PDX1: variants seen among roughly 807,000 people sequenced by gnomAD.
The protein encoded by PDX1 is pancreas/duodenum homeobox protein 1.
PDX1 carries 7 observed loss-of-function variants against 11.1 expected under a neutral mutation model. The observed-to-expected ratio is 0.63, with a 90% CI of 0.36 to 1.19. The LOEUF is 1.19. PDX1 is among the 50% of genes most tolerant of loss of function. PDX1 has a pLI of 0.02. For synonymous variants in PDX1, 232 were observed against 196.2 expected, an observed-to-expected ratio of 1.18 and a Z score of -1.53; for missense variants, 449 against 412.1, an observed-to-expected ratio of 1.09 and a Z score of -0.78.
At position 27,925,446 on chromosome 13, in the gene PDX1, CCCCTCCTCT is replaced by C. The variant is rs139276646; in HGVS notation, c.*754_*762del. The C allele has an allele frequency of 0.19, 25,893 of 139,358 alleles. 3,476 individuals carry two copies. The highest frequency in any genetic ancestry group is 0.39 in the East Asian group (1,580 of 4,002). The allele number at this position is 139,358 out of a possible 1,614,324, so 8.6% of individuals were successfully genotyped here. On this transcript the variant is annotated 3_prime_UTR_variant, in exon 2 of 2. Coordinates refer to ENST00000381033, the MANE Select transcript of PDX1 (RefSeq NM_000209.4). ...CCTCCTCTCCCTCCTCCTCTTCTTC[CCCCTCCTCT>C]CCCTCCTCCTCTTCTTCTCCCTCCT...
chr13:27,920,061 G>C lies in PDX1; in HGVS notation c.-78G>C. On this transcript the variant is annotated 5_prime_UTR_variant, in exon 1 of 2. Transcript: ENST00000381033. Reference sequence around the variant, plus strand: ...GCGCCGGGAGTGGGAACGCCACACAGTGCCAAATCCCCGGCTCCAGCTCCC... The same window carrying C: ...GCGCCGGGAGTGGGAACGCCACACACTGCCAAATCCCCGGCTCCAGCTCCC... 1 of 1,524,188 alleles carries C rather than the reference G, an allele frequency of 6.6e-7. No individual in the cohort carries two copies. The highest frequency in any genetic ancestry group is 8.9e-7 in the Non-Finnish European group (1 of 1,125,114). 94.4% of individuals were successfully genotyped at this position (1,524,188 alleles called of 1,614,324 possible).
intron 1 of PDX1, among the ~76,000 whole-genome samples, chr13:27,921,776 G>A (rs1225271991): frequency 6.6e-6 from 1 of 152,182 alleles, no homozygotes; most frequent in African/African-American, 2.4e-5. Flanking sequence ...TAAGGCGAAG[G>A]TCCTGAGGCA....
intron 1 of PDX1, among the ~76,000 whole-genome samples, chr13:27,922,953 T>A (rs1957798569): frequency 6.6e-6 from 1 of 152,194 alleles, no homozygotes; most frequent in South Asian, 2.1e-4. Flanking sequence ...GGTTTGAGCC[T>A]CTGCTTCAGC....
At position 27,926,091 on chromosome 13, in the gene PDX1, A is replaced by T. The variant is rs1329958702; in HGVS notation, c.*1390A>T. The stretch of plus-strand genomic sequence containing the variant: ...AACCAGTTATCTTATTTAACATTTT[A>T]AAAATTACCTAACAGTTATTTACAA... On this transcript the variant is annotated 3_prime_UTR_variant, in exon 2 of 2. Coordinates refer to ENST00000381033, the MANE Select transcript of PDX1 (RefSeq NM_000209.4). 1.3e-5 allele frequency: 2 copies of T among 152,224 alleles called. No individual in the cohort carries two copies. The highest frequency in any genetic ancestry group is 2.9e-5 in the Non-Finnish European group (2 of 68,050). 9.4% of individuals were successfully genotyped at this position (152,224 alleles called of 1,614,324 possible).
chr13:27,920,164 C>G lies in PDX1; in HGVS notation c.26C>G (p.Ala9Gly). 6.5e-7 allele frequency: 1 copy of G among 1,549,940 alleles called. No homozygotes were observed. The highest frequency in any genetic ancestry group is 8.7e-7 in the Non-Finnish European group (1 of 1,146,698). The change falls in exon 1 of 2, where the codon GCG becomes GGG. Residue 9 changes from alanine to glycine, a missense_variant. By Grantham distance (60) the Ala-to-Gly change is moderately conservative. Transcript: ENST00000381033. The part of the protein sequence containing the change: MNGEEQYY[A>G]ATQLYKDPCA... ...ATGAACGGCGAGGAGCAGTACTACG[C>G]GGCCACGCAGCTTTACAAGGACCCA... is the stretch of plus-strand genomic sequence containing the variant.
Position 27,925,079 on chromosome 13 carries a change from T to A in PDX1, c.*378T>A. ...GACAATGGAAACTGTACCATACACA[T>A]TGGAAGGCTCCCTAACACACACAGC... On this transcript the variant is annotated 3_prime_UTR_variant, in exon 2 of 2. Coordinates refer to ENST00000381033, the MANE Select transcript of PDX1 (RefSeq NM_000209.4). 1 of 253,012 alleles carries A rather than the reference T, an allele frequency of 4.0e-6. No individual in the cohort carries two copies. Among genetic ancestry groups the A allele is most frequent in the Non-Finnish European group, 7.5e-6 (1 of 133,658 alleles). The allele number at this position is 253,012 out of a possible 1,614,324, so 15.7% of individuals were successfully genotyped here. A position where few individuals can be genotyped will look rare whatever the true frequency, so the allele number is the denominator to read the frequency against.
In PDX1 at chr13:27,920,482, T is replaced by TC; in HGVS notation, c.346dup (p.Gln116ProfsTer109). 1.2e-6 allele frequency: 2 copies of TC among 1,611,204 alleles called. No individual in the cohort carries two copies. The highest frequency in any genetic ancestry group is 1.7e-6 in the Non-Finnish European group (2 of 1,179,304). ...GGCGTCCTGGAGGAGCCCAACCGCGTCCAGCTGCCTTTCCCATGGATGAAG... is the reference window on the plus strand; with the variant it reads ...GGCGTCCTGGAGGAGCCCAACCGCGTCCCAGCTGCCTTTCCCATGGATGAAG... On this transcript the variant is annotated frameshift_variant, in exon 1 of 2. Coordinates refer to ENST00000381033, the MANE Select transcript of PDX1 (RefSeq NM_000209.4). LOFTEE classifies it high-confidence loss of function.
Position 27,926,058 on chromosome 13 carries a change from G to GT in PDX1, c.*1360dup, listed in dbSNP as rs1340164471. 6.6e-6 allele frequency: 1 copy of GT among 152,204 alleles called. No homozygotes were observed. Among genetic ancestry groups the GT allele is most frequent in the East Asian group, 1.9e-4 (1 of 5,202 alleles). The allele number at this position is 152,204 out of a possible 1,614,324, so 9.4% of individuals were successfully genotyped here. A position where few individuals can be genotyped will look rare whatever the true frequency, so the allele number is the denominator to read the frequency against. ...TTATGAAAACGTATGTGATTGGAGGGTTTGGAAAACCAGTTATCTTATTTA... is the reference window on the plus strand; with the variant it reads ...TTATGAAAACGTATGTGATTGGAGGGTTTTGGAAAACCAGTTATCTTATTTA... On this transcript the variant is annotated 3_prime_UTR_variant, in exon 2 of 2. Coordinates refer to ENST00000381033, the MANE Select transcript of PDX1 (RefSeq NM_000209.4).
chr13:27,921,828 C>A (rs1477809643), intron 1 of PDX1, among the ~76,000 whole-genome samples: 1 of 152,218 alleles, frequency 6.6e-6, no homozygotes, highest in Non-Finnish European at 1.5e-5. Context: ...CCACCTCCAG[C>A]GAAACCCAGT....
At chr13:27,922,569 C>T (rs1198840636) in intron 1 of PDX1, among the ~76,000 whole-genome samples, 1 of 152,244 alleles carries the variant, frequency 6.6e-6, no homozygotes, top group Non-Finnish European at 1.5e-5. Context: ...TTCAGCAGCG[C>T]TGTCCAGCTG....
Position 27,924,165 on chromosome 13 carries a change from G to T in PDX1, c.407-91G>T. On this transcript the variant is annotated intron_variant, in intron 1 of 1. Coordinates refer to ENST00000381033, the MANE Select transcript of PDX1 (RefSeq NM_000209.4). This position sits in a 1 kb window ranked among gnomAD's most constrained non-coding sequence, Gnocchi z 4.8. ...GGCGGGAGCAGCTGGTAGGGCTAGG[G>T]CTCCCTGGCCCCCCTTGAAGGGGTT... 4 of 1,164,014 alleles carry T rather than the reference G, an allele frequency of 3.4e-6. No individual in the cohort carries two copies. The highest frequency in any genetic ancestry group is 3.5e-6 in the Non-Finnish European group (3 of 849,918). The allele number at this position is 1,164,014 out of a possible 1,614,324, so 72.1% of individuals were successfully genotyped here. A position where few individuals can be genotyped will look rare whatever the true frequency, so the allele number is the denominator to read the frequency against.
At chr13:27,923,213 T>C (rs1468350743) in intron 1 of PDX1, among the ~76,000 whole-genome samples, 1 of 152,244 alleles carries the variant, frequency 6.6e-6, no homozygotes, top group Non-Finnish European at 1.5e-5. Flanking sequence ...GGGACCTGGC[T>C]GAGCGCAGCG....
chr13:27,920,264 C>CCCGCCG lies in PDX1; in HGVS notation c.137_142dup (p.Pro46_Pro47dup), dbSNP rs752633548. Reference sequence around the variant, plus strand: ...CGTGCCTGTACATGGGCCGCCAGCCCCCGCCGCCGCCGCCGCACCCGTTCC... The same window carrying CCCGCCG: ...CGTGCCTGTACATGGGCCGCCAGCCCCCGCCGCCGCCGCCGCCGCCGCACCCGTTCC... On this transcript the variant is annotated inframe_insertion, in exon 1 of 2. Transcript: ENST00000381033. 2.9e-5 allele frequency: 44 copies of CCCGCCG among 1,540,334 alleles called. No homozygotes were observed. The highest frequency in any genetic ancestry group is 3.8e-5 in the Non-Finnish European group (43 of 1,142,518).
Position 27,920,104 on chromosome 13 carries a change from T to A in PDX1, c.-35T>A, listed in dbSNP as rs1300396843. On this transcript the variant is annotated 5_prime_UTR_variant, in exon 1 of 2. Transcript: ENST00000381033. The stretch of plus-strand genomic sequence containing the variant: ...CAGCTCCCGACTCCCGGCTCCCGGC[T>A]CCCGGCTCCCGGTGCCCAATCCCGG... 1.3e-6 allele frequency: 2 copies of A among 1,548,522 alleles called. No individual in the cohort carries two copies. The highest frequency in any genetic ancestry group is 3.9e-5 in the Admixed American group (2 of 50,924).
Position 27,925,122 on chromosome 13 carries a change from T to C in PDX1, c.*421T>C, listed in dbSNP as rs1158506419. ...CACACAGCGGGGAAGCTGGGCCGAG[T>C]ACCTTAATCTGCCATAAAGCCATTC... On this transcript the variant is annotated 3_prime_UTR_variant, in exon 2 of 2. Transcript: ENST00000381033. The C allele has an allele frequency of 4.5e-6, 1 of 221,840 alleles. No homozygotes were observed. The highest frequency in any genetic ancestry group is 8.8e-6 in the Non-Finnish European group (1 of 113,036). 13.7% of individuals were successfully genotyped at this position (221,840 alleles called of 1,614,324 possible).
At chr13:27,923,578 A>G (rs543204935) in intron 1 of PDX1, among the ~76,000 whole-genome samples, 1 of 152,384 alleles carries the variant, frequency 6.6e-6, no homozygotes, top group African/African-American at 2.4e-5. Context: ...ATGGTCAGAT[A>G]TAACAAAATG....
intron 1 of PDX1, among the ~76,000 whole-genome samples, chr13:27,923,509 G>C (rs1957802286): frequency 6.6e-6 from 1 of 152,216 alleles, no homozygotes; most frequent in South Asian, 2.1e-4. Context: ...CAATTATGGA[G>C]AATTTGCTGG....
Position 27,920,337 on chromosome 13 carries a change from C to G in PDX1, c.199C>G (p.Pro67Ala). Residue 67 changes from proline (P) to alanine (A), a missense_variant, in exon 1 of 2, where the codon CCG (proline) becomes GCG (alanine). Pro to Ala is a conservative substitution (Grantham distance 27). This residue lies in a region of PDX1 where 263 missense variants were observed against 212.5 expected (regional missense o/e 1.24). Transcript: ENST00000381033. ...GCAGGGCAGCCCCCCGGACATCTCCCCGTACGAGGTGCCCCCCCTCGCCGA... is the reference window on the plus strand; with the variant it reads ...GCAGGGCAGCCCCCCGGACATCTCCGCGTACGAGGTGCCCCCCCTCGCCGA... ...LEQGSPPDIS[P>A]YEVPPLADDP... The G allele has an allele frequency of 8.4e-6, 13 of 1,540,568 alleles. No individual in the cohort carries two copies. The highest frequency in any genetic ancestry group is 1.1e-5 in the Non-Finnish European group (13 of 1,140,482).
chr13:27,924,200 G>T lies in PDX1; in HGVS notation c.407-56G>T. The T allele has an allele frequency of 6.9e-7, 1 of 1,449,626 alleles. No individual in the cohort carries two copies. Among genetic ancestry groups the T allele is most frequent in the African/African-American group, 1.4e-5 (1 of 71,406 alleles). The allele number at this position is 1,449,626 out of a possible 1,614,324, so 89.8% of individuals were successfully genotyped here. A position where few individuals can be genotyped will look rare whatever the true frequency, so the allele number is the denominator to read the frequency against. On this transcript the variant is annotated intron_variant, in intron 1 of 1. Coordinates refer to ENST00000381033, the MANE Select transcript of PDX1 (RefSeq NM_000209.4). This position sits in a 1 kb window ranked among gnomAD's most constrained non-coding sequence, Gnocchi z 4.8. ...CCCCCTTGAAGGGGTTGGGCTGCGT[G>T]GGTGGGGGCTGTGCGGGGCTCCGGG...
Sources: allele counts gnomAD v4.1 joint callset (sites outside exome capture counted in the v4.1 genomes callset), GRCh38; gene constraint gnomAD v4.1.1; regional missense constraint gnomAD v4.1.1; non-coding constraint Gnocchi (gnomAD v3.1); transcripts MANE v1.5; gene names NCBI Gene and HGNC (gene_info 2026-07-23, HGNC 2026-07-21).